Variants in ELF2 observed in about 807,000 individuals in gnomAD.
ELF2 encodes E74 like ETS transcription factor 2, also known as ETS-related transcription factor Elf-2.
A neutral mutation model predicts 54.8 loss-of-function variants in ELF2; 11 were observed. That is an observed-to-expected ratio of 0.20 (90% CI 0.13 to 0.33). ELF2 has a LOEUF of 0.33. Among genes scored for constraint, ELF2 ranks in the 10% least tolerant of loss-of-function variants. The pLI, the probability that ELF2 is intolerant of heterozygous loss-of-function variation, is 1.00. For synonymous variants in ELF2, 203 were observed against 245.1 expected, an observed-to-expected ratio of 0.83 and a Z score of 1.61; for missense variants, 513 against 703.0, an observed-to-expected ratio of 0.73 and a Z score of 3.06.
chr4:139,082,048 A>C (rs193072922), intron 4 of ELF2, among the ~76,000 whole-genome samples: 187 of 152,298 alleles, frequency 1.2e-3, no homozygotes, highest in Non-Finnish European at 2.3e-3. Flanking sequence ...TTATATACAC[A>C]CATATATACT....
At chr4:139,106,740 CTTTTT>C (rs35312494) in intron 4 of ELF2, among the ~76,000 whole-genome samples, 1 of 93,754 alleles carries the variant, frequency 1.1e-5, no homozygotes, top group Admixed American at 1.2e-4. Context: ...AACTATATTT[CTTTTT>C]TTTTTTTTTT....
intron 4 of ELF2, among the ~76,000 whole-genome samples, chr4:139,109,678 C>T (rs1028257012): frequency 5.3e-5 from 8 of 152,208 alleles, no homozygotes; most frequent in Admixed American, 1.3e-4. Context: ...GGAATGAAAT[C>T]GTGTCCTTTG....
chr4:139,135,237 ATGTGTGTGTG>A (rs61122327), intron 3 of ELF2, among the ~76,000 whole-genome samples: 127 of 112,476 alleles, frequency 1.1e-3, no homozygotes, highest in African/African-American at 2.1e-3. Context: ...TACTATATAT[ATGTGTGTGTG>A]TGTGTGTGTG....
intron 4 of ELF2, among the ~76,000 whole-genome samples, chr4:139,120,212 C>A (rs553648896): frequency 1.8e-4 from 28 of 152,316 alleles, no homozygotes; most frequent in African/African-American, 6.5e-4. Flanking sequence ...TCACCATGAA[C>A]AAGCGTCAAA....
chr4:139,151,273 T>C (rs1393701052), intron 1 of ELF2, among the ~76,000 whole-genome samples: 1 of 151,840 alleles, frequency 6.6e-6, no homozygotes, highest in Non-Finnish European at 1.5e-5. Flanking sequence ...AACTCACAAT[T>C]AAGAAAAAAT....
chr4:139,141,070 T>G (rs1738651515), intron 1 of ELF2, among the ~76,000 whole-genome samples: 1 of 152,166 alleles, frequency 6.6e-6, no homozygotes, highest in Non-Finnish European at 1.5e-5. Context: ...TGAATTTATC[T>G]TTTCCCTCTC....
chr4:139,143,895 TAC>T (rs1385026698), intron 1 of ELF2, among the ~76,000 whole-genome samples: 1 of 151,924 alleles, frequency 6.6e-6, no homozygotes, highest in Non-Finnish European at 1.5e-5. Context: ...AGACCTTAAA[TAC>T]ACCTTAGCCT....
chr4:139,075,883 G>T (rs902281285), intron 4 of ELF2, among the ~76,000 whole-genome samples: 2 of 152,148 alleles, frequency 1.3e-5, no homozygotes, highest in African/African-American at 2.4e-5. Context: ...TCTGAAACAT[G>T]AATATTTAAG....
chr4:139,169,614 T>C (rs905357320), intron 1 of ELF2, among the ~76,000 whole-genome samples: 1 of 152,104 alleles, frequency 6.6e-6, no homozygotes, highest in Non-Finnish European at 1.5e-5. Context: ...TCCCAGCACT[T>C]TGGGAGGCCC....
At chr4:139,070,855 C>T (rs1274543392) in intron 6 of ELF2, among the ~76,000 whole-genome samples, 1 of 152,186 alleles carries the variant, frequency 6.6e-6, no homozygotes, top group Non-Finnish European at 1.5e-5. Flanking sequence ...GAATGGTACA[C>T]ACTGTGGCAA....
intron 4 of ELF2, chr4:139,102,223 A>G (rs1228784120): frequency 1.3e-5 from 2 of 152,046 alleles, no homozygotes; most frequent in East Asian, 1.9e-4. Flanking sequence ...GTCAAACACC[A>G]TATATAAGAA....
chr4:139,118,995 C>A (rs1013177808), intron 4 of ELF2, among the ~76,000 whole-genome samples: 3 of 152,166 alleles, frequency 2.0e-5, no homozygotes, highest in Admixed American at 6.5e-5. Context: ...TCTTCCCTTT[C>A]CTACTAAAGA....
intron 4 of ELF2, among the ~76,000 whole-genome samples, chr4:139,086,743 G>A (rs898649807): frequency 8.5e-5 from 13 of 152,118 alleles, no homozygotes; most frequent in Non-Finnish European, 1.8e-4. Context: ...GAGACAATAT[G>A]ATACACAAGA....
chr4:139,163,665 G>A (rs1443031939), intron 1 of ELF2, among the ~76,000 whole-genome samples: 1 of 152,136 alleles, frequency 6.6e-6, no homozygotes, highest in Non-Finnish European at 1.5e-5. Context: ...TGTAATCCCA[G>A]CACTTTGGGA....
chr4:139,087,807 T>A (rs112926679), intron 4 of ELF2, among the ~76,000 whole-genome samples: 1 of 152,302 alleles, frequency 6.6e-6, no homozygotes, highest in African/African-American at 2.4e-5. Context: ...CACCCAAATG[T>A]ACATGAGTTA....
At chr4:139,112,054 G>A (rs1735001550) in intron 4 of ELF2, among the ~76,000 whole-genome samples, 2 of 152,070 alleles carry the variant, frequency 1.3e-5, no homozygotes, top group East Asian at 1.9e-4. Flanking sequence ...CTGCCCTTTA[G>A]ACTTATCTGA....
intron 5 of ELF2, chr4:139,072,243 G>A (rs1277373306): frequency 2.5e-5 from 13 of 516,788 alleles, no homozygotes; most frequent in Non-Finnish European, 2.6e-5. Context: ...TCAACTTAAA[G>A]GAAAAATGTT....
intron 1 of ELF2, among the ~76,000 whole-genome samples, chr4:139,174,075 A>C (rs1052807906): frequency 2.6e-5 from 4 of 151,484 alleles, no homozygotes; most frequent in South Asian, 2.1e-4. Context: ...TACAAAAAAA[A>C]AAAAAAAATT....
At position 139,059,342 on chromosome 4, in the gene ELF2, T is replaced by C. The variant is rs771289410; in HGVS notation, c.1423A>G (p.Lys475Glu). ...TQLAQCQLQT[K>E]SNLTGSGSIN... ...CTTCCTGATCCAGTCAGATTTGACT[T>C]TGTCTGCAGTTGACACTGTGCAAGC... Residue 475 changes from lysine (K) to glutamate (E), a missense_variant, in exon 10 of 10, where the codon AAG (lysine) becomes GAG (glutamate). By Grantham distance (56) the Lys-to-Glu change is moderately conservative. Transcript: ENST00000686138. 2 of 1,613,970 alleles carry C rather than the reference T, an allele frequency of 1.2e-6. No individual in the cohort carries two copies. The highest frequency in any genetic ancestry group is 1.7e-6 in the Non-Finnish European group (2 of 1,179,860).
Sources: allele counts gnomAD v4.1 joint callset (sites outside exome capture counted in the v4.1 genomes callset), GRCh38; gene constraint gnomAD v4.1.1; transcripts MANE v1.5; gene names NCBI Gene and HGNC (gene_info 2026-07-23, HGNC 2026-07-21).